The following MTMR12 variants were observed in gnomAD, a reference collection of about 807,000 sequenced individuals.
MTMR12 encodes myotubularin related protein 12, also known as myotubularin-related protein 12.
In MTMR12, 33 loss-of-function variants were observed where a neutral mutation model predicts 96.7. The ratio of observed to expected loss-of-function variants is 0.34; its 90% confidence interval spans 0.26 to 0.46. The LOEUF is 0.46. MTMR12 is among the 20% of genes least tolerant of loss of function. MTMR12 has a pLI of 1.00. For missense variants in MTMR12, 721 were observed against 896.1 expected (o/e 0.80, Z 2.49); for synonymous variants, 298 against 327.2 (o/e 0.91, Z 0.96).
intron 9 of MTMR12, 25 bp downstream of exon 9, chr5:32,248,747 A>T: frequency 6.3e-7 from 1 of 1,578,246 alleles, no homozygotes; most frequent in Non-Finnish European, 8.7e-7. Context: ...ACTGAACAAG[A>T]ACAAAATGTA....
At chr5:32,293,184 C>T (rs977030181) in intron 1 of MTMR12, among the ~76,000 whole-genome samples, 1 of 152,096 alleles carries the variant, frequency 6.6e-6, no homozygotes, top group African/African-American at 2.4e-5. Context: ...ATGGTTAATA[C>T]TGAGTGTCAA....
At chr5:32,283,532 A>G (rs1750392928) in intron 1 of MTMR12, among the ~76,000 whole-genome samples, 1 of 152,214 alleles carries the variant, frequency 6.6e-6, no homozygotes, top group Admixed American at 6.5e-5. Context: ...GGCACAGGTG[A>G]AAGTCAAACC....
At chr5:32,268,336 C>T (rs1360544048) in intron 6 of MTMR12, among the ~76,000 whole-genome samples, 1 of 151,862 alleles carries the variant, frequency 6.6e-6, no homozygotes, top group Admixed American at 6.6e-5. Flanking sequence ...GGAGAAACCT[C>T]ATCTCTACCA....
At position 32,227,723 on chromosome 5, in the gene MTMR12, T is replaced by C. The variant is rs1423043323; in HGVS notation, c.*2055A>G. The C allele has an allele frequency of 6.5e-6, 1 of 152,678 alleles. No homozygotes were observed. Among genetic ancestry groups the C allele is most frequent in the Non-Finnish European group, 1.5e-5 (1 of 68,038 alleles). 9.5% of individuals were successfully genotyped at this position (152,678 alleles called of 1,614,324 possible). On this transcript the variant is annotated 3_prime_UTR_variant, in exon 16 of 16. Coordinates refer to ENST00000382142, the MANE Select transcript of MTMR12 (RefSeq NM_001040446.3). Reference sequence around the variant, plus strand: ...GTTAGTGCTAATTTAAGAAGGCCTATAGAATGTATGTGAAGGTAGCTAAGG... The same window carrying C: ...GTTAGTGCTAATTTAAGAAGGCCTACAGAATGTATGTGAAGGTAGCTAAGG...
intron 1 of MTMR12, among the ~76,000 whole-genome samples, chr5:32,302,126 G>A (rs1376150914): frequency 6.6e-6 from 1 of 152,094 alleles, no homozygotes. Flanking sequence ...AACAACTGAG[G>A]TTTTGCATGC....
At chr5:32,255,602 A>G in intron 8 of MTMR12, 91 bp downstream of exon 8, 1 of 1,219,326 alleles carries the variant, frequency 8.2e-7, no homozygotes, top group Non-Finnish European at 1.1e-6. Flanking sequence ...AACAAACTCT[A>G]GAACAAAAGC....
At chr5:32,295,941 G>C (rs571529413) in intron 1 of MTMR12, among the ~76,000 whole-genome samples, 1 of 152,070 alleles carries the variant, frequency 6.6e-6, no homozygotes, top group Non-Finnish European at 1.5e-5. Flanking sequence ...ATCACCTGAT[G>C]TTAGGAGTTC....
chr5:32,235,255 C>A (rs1012178207), intron 13 of MTMR12, 126 bp from the exon 14 acceptor site: 8 of 785,622 alleles, frequency 1.0e-5, no homozygotes, highest in Non-Finnish European at 1.6e-5. Flanking sequence ...CTGGGAAACA[C>A]AGAATACTCC....
In MTMR12 at chr5:32,268,813, A is replaced by C; in HGVS notation, c.490-19T>G. The C allele has an allele frequency of 1.9e-6, 3 of 1,576,814 alleles. No individual in the cohort carries two copies. Among genetic ancestry groups the C allele is most frequent in the South Asian group, 1.1e-5 (1 of 90,308 alleles). ...TGACAATCTAAAAAAGAATCGAACA[A>C]TGGATATAGTTATGGTTTTGACAGA... On this transcript the variant is annotated intron_variant, in intron 5 of 15. Coordinates refer to ENST00000382142, the MANE Select transcript of MTMR12 (RefSeq NM_001040446.3).
At chr5:32,307,964 C>T (rs1403675478) in intron 1 of MTMR12, among the ~76,000 whole-genome samples, 2 of 152,210 alleles carry the variant, frequency 1.3e-5, no homozygotes, top group African/African-American at 4.8e-5. Flanking sequence ...GCAGCTCAGT[C>T]ATCTACCAAC....
chr5:32,282,513 C>A (rs1286029838), intron 1 of MTMR12, among the ~76,000 whole-genome samples: 1 of 151,364 alleles, frequency 6.6e-6, no homozygotes. Flanking sequence ...TTCTGGTTAA[C>A]ACTTCAAAAA....
chr5:32,282,106 G>C (rs567886971), intron 1 of MTMR12, among the ~76,000 whole-genome samples: 10 of 152,242 alleles, frequency 6.6e-5, no homozygotes, highest in African/African-American at 2.4e-4. Flanking sequence ...CATCAGGCTG[G>C]GTGCGGTGGC....
intron 1 of MTMR12, chr5:32,296,474 G>C (rs1554064574): frequency 2.7e-6 from 1 of 370,792 alleles, no homozygotes; most frequent in South Asian, 1.9e-5. Context: ...GCAAGACCTT[G>C]TCTCCAAAAA....
intron 1 of MTMR12, among the ~76,000 whole-genome samples, chr5:32,291,468 T>C (rs781557756): frequency 6.6e-6 from 1 of 152,182 alleles, no homozygotes; most frequent in African/African-American, 2.4e-5. Flanking sequence ...CAAAGAAATT[T>C]GGGGAAGAGT....
At chr5:32,230,385 A>G (rs1001540919) in intron 15 of MTMR12, 38 bp from the exon 16 acceptor site, 6 of 1,531,670 alleles carry the variant, frequency 3.9e-6, no homozygotes, top group Admixed American at 1.9e-5. Context: ...ACTGGTTAAC[A>G]TAACAGGCAC....
intron 2 of MTMR12, 32 bp from the exon 3 acceptor site, chr5:32,274,154 G>A (rs1368303907): frequency 6.2e-7 from 1 of 1,609,010 alleles, no homozygotes; most frequent in South Asian, 1.1e-5. Context: ...CCTCCTTAGA[G>A]TTCTCAGGGA....
At chr5:32,272,758 AT>A (rs1283894704) in intron 3 of MTMR12, among the ~76,000 whole-genome samples, 3 of 152,252 alleles carry the variant, frequency 2.0e-5, no homozygotes, top group African/African-American at 7.2e-5. Context: ...TGGGGAAGTT[AT>A]GTACAGGTTA....
chr5:32,268,569 C>G, intron 6 of MTMR12, 132 bp downstream of exon 6: 1 of 617,858 alleles, frequency 1.6e-6, no homozygotes, highest in Non-Finnish European at 2.9e-6. Flanking sequence ...ATCACTCAAG[C>G]AAGGGGTGAC....
intron 1 of MTMR12, among the ~76,000 whole-genome samples, chr5:32,289,198 CTAAT>C (rs1446633181): frequency 6.6e-6 from 1 of 152,106 alleles, no homozygotes; most frequent in African/African-American, 2.4e-5. Context: ...CTGGCATTGG[CTAAT>C]TAATCATGCT....
Sources: gnomAD v4.1 joint callset for allele counts (sites outside exome capture counted in the v4.1 genomes callset) on GRCh38, gnomAD v4.1.1 for gene constraint, MANE v1.5 for transcripts, NCBI Gene and HGNC (gene_info 2026-07-23, HGNC 2026-07-21) for gene names.